The following SEPTIN11 variants were observed in gnomAD, a reference collection of about 807,000 sequenced individuals.
SEPTIN11 encodes the protein septin-11.
In SEPTIN11, 25 loss-of-function variants were observed where a neutral mutation model predicts 51.4. That is an observed-to-expected ratio of 0.49 (90% CI 0.35 to 0.68). The LOEUF is 0.68. SEPTIN11 is among the 30% of genes least tolerant of loss of function. The probability of loss-of-function intolerance (pLI) is 0.00; values close to 1 mark genes in which losing one functional copy is unlikely to be tolerated. For missense variants in SEPTIN11, 381 were observed against 520.8 expected, an observed-to-expected ratio of 0.73 and a Z score of 2.61; for synonymous variants, 174 against 184.1, an observed-to-expected ratio of 0.95 and a Z score of 0.44.
rs1452238518 is a variant in SEPTIN11 at position 76,984,856 on chromosome 4, A to T, written c.28-11569A>T. Among the ~76,000 whole-genome samples, 1 of 151,876 alleles carries T rather than the reference A, an allele frequency of 6.6e-6. No homozygotes were observed. ...CAAGAGGGTTTTGAAATGGTTTATG[A>T]CCTCTTCCCCACTTCCCCGCTTGCT... On this transcript the variant is annotated intron_variant, in intron 1 of 9. Transcript: ENST00000264893. This position sits in a 1 kb window ranked among gnomAD's most constrained non-coding sequence, Gnocchi z 4.1.
chr4:77,017,818 C>T (rs1725405787), intron 5 of SEPTIN11, among the ~76,000 whole-genome samples: 1 of 152,172 alleles, frequency 6.6e-6, no homozygotes, highest in South Asian at 2.1e-4. Context: ...TTATTTCCTC[C>T]CTCACTCAGA....
chr4:76,998,891 G>C (rs575920353), intron 2 of SEPTIN11, among the ~76,000 whole-genome samples: 1 of 152,090 alleles, frequency 6.6e-6, no homozygotes, highest in Non-Finnish European at 1.5e-5. Flanking sequence ...GCTCAGCCTG[G>C]GGGGAAGATG....
intron 5 of SEPTIN11, 72 bp downstream of exon 5, chr4:77,015,089 G>C: frequency 1.3e-6 from 2 of 1,490,204 alleles, no homozygotes; most frequent in African/African-American, 1.4e-5. Context: ...TTGTAGAGTG[G>C]CTGGAGCACT....
intron 9 of SEPTIN11, 151 bp downstream of exon 9, chr4:77,031,121 G>A: frequency 1.4e-6 from 1 of 707,878 alleles, no homozygotes; most frequent in Non-Finnish European, 2.2e-6. Context: ...AGATGATGAA[G>A]GTTTTTAAAT....
At chr4:76,997,052 T>C (rs1300014796) in intron 2 of SEPTIN11, among the ~76,000 whole-genome samples, 1 of 151,850 alleles carries the variant, frequency 6.6e-6, no homozygotes, top group African/African-American at 2.4e-5. Flanking sequence ...ATTTTTTGTA[T>C]GCCATATCCT....
intron 2 of SEPTIN11, among the ~76,000 whole-genome samples, chr4:76,997,404 T>A (rs1488585960): frequency 6.6e-6 from 1 of 152,226 alleles, no homozygotes; most frequent in East Asian, 1.9e-4. Flanking sequence ...AAAAGGTGTG[T>A]GTTCAATGTG....
intron 1 of SEPTIN11, among the ~76,000 whole-genome samples, chr4:76,983,236 T>C (rs1722858146): frequency 6.6e-6 from 1 of 152,194 alleles, no homozygotes; most frequent in Admixed American, 6.5e-5. Flanking sequence ...AGACTGTTCC[T>C]GAAGAAGGAT....
At chr4:76,991,881 T>A (rs1723400028) in intron 1 of SEPTIN11, among the ~76,000 whole-genome samples, 1 of 152,246 alleles carries the variant, frequency 6.6e-6, no homozygotes, top group African/African-American at 2.4e-5. Flanking sequence ...GCAGTGGGTA[T>A]TTTTGAATGA....
chr4:77,032,864 G>C (rs1726755560), intron 9 of SEPTIN11, among the ~76,000 whole-genome samples: 1 of 151,446 alleles, frequency 6.6e-6, no homozygotes. Context: ...GTGTAGGGAG[G>C]TTTTTCCTTG....
chr4:76,991,689 A>G (rs1177682247), intron 1 of SEPTIN11, among the ~76,000 whole-genome samples: 1 of 152,184 alleles, frequency 6.6e-6, no homozygotes, highest in African/African-American at 2.4e-5. Flanking sequence ...GACAAAAACT[A>G]CTTCTCCTCC....
chr4:76,985,427 G>A (rs957355688), intron 1 of SEPTIN11, among the ~76,000 whole-genome samples: 10 of 152,158 alleles, frequency 6.6e-5, no homozygotes, highest in African/African-American at 2.4e-4. Context: ...CTGGGGCTCT[G>A]TTCACTTCGG....
intron 3 of SEPTIN11, among the ~76,000 whole-genome samples, chr4:77,010,312 C>A (rs1724772220): frequency 6.6e-6 from 1 of 152,100 alleles, no homozygotes; most frequent in South Asian, 2.1e-4. Flanking sequence ...CTATAACTAT[C>A]TCATTAAATA....
chr4:77,014,143 C>T lies in SEPTIN11; in HGVS notation c.526-713C>T, dbSNP rs548814911. ...CTGTGAAAGTGAGCCTTGCCTTTGG[C>T]GCTCGATTTTATTCTGGCATGAAGG... On this transcript the variant is annotated intron_variant, in intron 4 of 9. Coordinates refer to ENST00000264893, the MANE Select transcript of SEPTIN11 (RefSeq NM_018243.4). Among the ~76,000 whole-genome samples the T allele has an allele frequency of 4.6e-5, 7 of 152,202 alleles. No individual in the cohort carries two copies. In the East Asian group the frequency reaches 1.2e-3, roughly 25 times the overall value.
At chr4:76,952,511 T>C (rs1319361699) in intron 1 of SEPTIN11, among the ~76,000 whole-genome samples, 1 of 152,202 alleles carries the variant, frequency 6.6e-6, no homozygotes, top group Admixed American at 6.5e-5. Flanking sequence ...CAGGTAAATA[T>C]GACATTTTAG....
chr4:77,014,212 G>A (rs1560733821), intron 4 of SEPTIN11, among the ~76,000 whole-genome samples: 1 of 152,190 alleles, frequency 6.6e-6, no homozygotes, highest in Non-Finnish European at 1.5e-5. Context: ...ATTAGTTGGT[G>A]TGATTTTGAA....
chr4:77,012,490 T>C (rs1724946323), intron 4 of SEPTIN11, among the ~76,000 whole-genome samples: 1 of 152,144 alleles, frequency 6.6e-6, no homozygotes, highest in South Asian at 2.1e-4. Context: ...AATTAGACTT[T>C]CCATTTTGAA....
intron 1 of SEPTIN11, among the ~76,000 whole-genome samples, chr4:76,992,191 AT>A (rs1695795409): frequency 6.6e-6 from 1 of 152,218 alleles, no homozygotes; most frequent in South Asian, 2.1e-4. Flanking sequence ...CAAAAATCAT[AT>A]TTGGTCTTGG....
At chr4:77,012,005 T>G in intron 4 of SEPTIN11, 84 bp downstream of exon 4, 1 of 1,265,442 alleles carries the variant, frequency 7.9e-7, no homozygotes, top group African/African-American at 1.5e-5. Context: ...CTGCTTTCAG[T>G]GTGATTTTTT....
chr4:77,009,077 T>G (rs980478625), intron 3 of SEPTIN11, among the ~76,000 whole-genome samples: 3 of 152,238 alleles, frequency 2.0e-5, no homozygotes, highest in African/African-American at 7.2e-5. Context: ...AATTAAATCT[T>G]TGACATAGGG....
Sources: allele counts gnomAD v4.1 joint callset (sites outside exome capture counted in the v4.1 genomes callset), GRCh38; gene constraint gnomAD v4.1.1; non-coding constraint Gnocchi (gnomAD v3.1); transcripts MANE v1.5; gene names NCBI Gene and HGNC (gene_info 2026-07-23, HGNC 2026-07-21).